ZNRF3: variants seen among roughly 807,000 people sequenced by gnomAD.
The protein encoded by ZNRF3 is zinc and ring finger 3, also known as E3 ubiquitin-protein ligase ZNRF3.
A neutral mutation model predicts 72.5 loss-of-function variants in ZNRF3; 23 were observed. The ratio of observed to expected loss-of-function variants is 0.32; its 90% CI spans 0.23 to 0.45. The LOEUF is 0.45. Ranked by LOEUF, ZNRF3 falls within the 20% of genes least tolerant of loss-of-function variation. ZNRF3 has a pLI of 1.00. For missense variants in ZNRF3, 1,169 were observed against 1,272.1 expected (o/e 0.92, Z 1.23); for synonymous variants, 610 against 545.3 (o/e 1.12, Z -1.65).
intron 1 of ZNRF3, among the ~76,000 whole-genome samples, chr22:28,920,231 G>A (rs571157932): frequency 6.6e-6 from 1 of 150,394 alleles, no homozygotes; most frequent in East Asian, 2.0e-4. Flanking sequence ...CTCCCAAAGT[G>A]TTGGGTTTAC....
chr22:28,916,150 C>A (rs574170440), intron 1 of ZNRF3, among the ~76,000 whole-genome samples: 1 of 152,206 alleles, frequency 6.6e-6, no homozygotes, highest in African/African-American at 2.4e-5. Flanking sequence ...CAGCCTCCCC[C>A]TCCTGGGCTC....
rs1037788883 is a variant in ZNRF3 at position 28,916,607 on chromosome 22, TA to T, written c.300+32550del. On this transcript the variant is annotated intron_variant, in intron 1 of 8. Transcript: ENST00000544604. Reference sequence around the variant, plus strand: ...TTTCAGCACTTAGCAGAGTGAAGGTTAAAAAAAAATTGTTGAGTGACTAAAG... The same window carrying T: ...TTTCAGCACTTAGCAGAGTGAAGGTTAAAAAAAATTGTTGAGTGACTAAAG... Among the ~76,000 whole-genome samples, 139 of 151,774 alleles carry T rather than the reference TA, an allele frequency of 9.2e-4. 1 individual carries two copies. The highest frequency in any genetic ancestry group is 1.4e-3 in the Non-Finnish European group (96 of 67,830).
Position 28,887,220 on chromosome 22 carries a change from AAGAGAGAG to A in ZNRF3, c.300+3163_300+3170del, listed in dbSNP as rs67943780. ...CCCCCCTCCTTATTATATGCCAACGAAGAGAGAGAGAGAGAGTGTGTGTGTGTGTGTGT... is the reference window on the plus strand; with the variant it reads ...CCCCCCTCCTTATTATATGCCAACGAAGAGAGAGTGTGTGTGTGTGTGTGT... On this transcript the variant is annotated intron_variant, in intron 1 of 8. Transcript: ENST00000544604. Among the ~76,000 whole-genome samples, 1,021 of 148,066 alleles carry A rather than the reference AAGAGAGAG, an allele frequency of 6.9e-3. 8 individuals are homozygous for A. The highest frequency in any genetic ancestry group is 0.011 in the Non-Finnish European group (716 of 67,048).
chr22:29,043,590 A>T (rs2037009102), intron 4 of ZNRF3, among the ~76,000 whole-genome samples, 160 bp downstream of exon 4: 1 of 151,984 alleles, frequency 6.6e-6, no homozygotes, highest in Non-Finnish European at 1.5e-5. Flanking sequence ...CCAGGGTGAA[A>T]TTTTACTCAT....
Position 28,935,774 on chromosome 22 carries a change from G to A in ZNRF3, c.301-51302G>A, listed in dbSNP as rs148030584. Among the ~76,000 whole-genome samples the A allele has an allele frequency of 3.9e-4, 59 of 152,246 alleles. 3 individuals are homozygous for A. The East Asian group carries it at 0.011, about 29-fold the overall frequency. ...TAGAATCCATTTTCTTAAATCTGAT[G>A]TAGGATCACTTTCCCCAGCAGCAAG... On this transcript the variant is annotated intron_variant, in intron 1 of 8. Coordinates refer to ENST00000544604, the MANE Select transcript of ZNRF3 (RefSeq NM_001206998.2).
chr22:29,038,361 G>A (rs1246062328), intron 2 of ZNRF3, among the ~76,000 whole-genome samples: 15 of 150,392 alleles, frequency 1.0e-4, no homozygotes, highest in Non-Finnish European at 5.9e-5. Context: ...TTTTAAGACA[G>A]GGTCTCGCCC....
chr22:28,988,486 A>T (rs1307155135), intron 2 of ZNRF3, among the ~76,000 whole-genome samples: 1 of 152,184 alleles, frequency 6.6e-6, no homozygotes, highest in Non-Finnish European at 1.5e-5. Flanking sequence ...AATAACTTCA[A>T]GTCACTTGTC....
chr22:28,933,712 A>ACCCCCC (rs2034757596), intron 1 of ZNRF3, among the ~76,000 whole-genome samples: 1 of 25,362 alleles, frequency 3.9e-5, no homozygotes, highest in Non-Finnish European at 7.4e-5. Flanking sequence ...TCACACCCCC[A>ACCCCCC]CCCCCACCCC....
chr22:29,013,852 T>G (rs1379927285), intron 2 of ZNRF3, among the ~76,000 whole-genome samples: 1 of 152,228 alleles, frequency 6.6e-6, no homozygotes, highest in East Asian at 1.9e-4. Flanking sequence ...TTTTTGGCAT[T>G]GCTGCTTCAT....
chr22:29,053,749 C>G lies in ZNRF3; in HGVS notation c.*127C>G. On this transcript the variant is annotated 3_prime_UTR_variant, in exon 9 of 9. Coordinates refer to ENST00000544604, the MANE Select transcript of ZNRF3 (RefSeq NM_001206998.2). ...CACACAAAAGTGGTAATAAAGAGAGCCCTCCTTGTCAACCCAAAATGTGAG... is the reference window on the plus strand; with the variant it reads ...CACACAAAAGTGGTAATAAAGAGAGGCCTCCTTGTCAACCCAAAATGTGAG... 1.1e-6 allele frequency: 1 copy of G among 935,552 alleles called. No individual in the cohort carries two copies. The highest frequency in any genetic ancestry group is 1.6e-6 in the Non-Finnish European group (1 of 635,626). The allele number at this position is 935,552 out of a possible 1,614,324, so 58.0% of individuals were successfully genotyped here.
At chr22:28,937,460 TACTG>T (rs2034861079) in intron 1 of ZNRF3, among the ~76,000 whole-genome samples, 1 of 152,012 alleles carries the variant, frequency 6.6e-6, no homozygotes, top group Non-Finnish European at 1.5e-5. Context: ...TCCATCAACA[TACTG>T]ACCCCTTTTG....
chr22:28,943,168 CTCTGTCCCTCCTCCTCCT>C (rs1223489193), intron 1 of ZNRF3, among the ~76,000 whole-genome samples: 1 of 152,172 alleles, frequency 6.6e-6, no homozygotes, highest in African/African-American at 2.4e-5. Context: ...ATGTTTTTCT[CTCTGTCCCTCCTCCTCCT>C]TCTGTCTCCC....
In ZNRF3 at chr22:29,048,533, C is replaced by A; in HGVS notation, c.1015+42C>A. On this transcript the variant is annotated intron_variant, in intron 7 of 8. Coordinates refer to ENST00000544604, the MANE Select transcript of ZNRF3 (RefSeq NM_001206998.2). This position sits in a 1 kb window ranked among gnomAD's most constrained non-coding sequence, Gnocchi z 4.9. ...TTAGCCATTGCTGAAGAGTCAAGTG[C>A]CTAGCTAGAGTGTGACACACACCGC... 6.3e-7 allele frequency: 1 copy of A among 1,589,312 alleles called. No individual in the cohort carries two copies. The highest frequency in any genetic ancestry group is 8.6e-7 in the Non-Finnish European group (1 of 1,157,708).
At chr22:29,037,779 C>T (rs1171286718) in intron 2 of ZNRF3, among the ~76,000 whole-genome samples, 3 of 152,176 alleles carry the variant, frequency 2.0e-5, no homozygotes, top group Admixed American at 6.6e-5. Context: ...CTGGCTGGTG[C>T]CAACCTGCCC....
intron 1 of ZNRF3, among the ~76,000 whole-genome samples, chr22:28,933,777 C>CTG (rs1472622664): frequency 1.5e-5 from 2 of 132,752 alleles, no homozygotes; most frequent in Non-Finnish European, 3.2e-5. Context: ...CTCTCTCTCT[C>CTG]TCCCCTCCCT....
chr22:28,927,433 G>A (rs181741028), intron 1 of ZNRF3, among the ~76,000 whole-genome samples: 6 of 152,250 alleles, frequency 3.9e-5, no homozygotes, highest in African/African-American at 1.2e-4. Flanking sequence ...CAAAGGATCC[G>A]GGAAGCCCAG....
At chr22:28,894,820 C>T (rs918402919) in intron 1 of ZNRF3, among the ~76,000 whole-genome samples, 2 of 151,958 alleles carry the variant, frequency 1.3e-5, no homozygotes, top group South Asian at 2.1e-4. Context: ...GTATTTTGTT[C>T]GATCGCTGTT....
chr22:28,956,945 C>T, intron 1 of ZNRF3, among the ~76,000 whole-genome samples: 1 of 152,178 alleles, frequency 6.6e-6, no homozygotes, highest in East Asian at 1.9e-4. Flanking sequence ...GGTCCAGGGC[C>T]ACCAGGAGTC....
intron 1 of ZNRF3, among the ~76,000 whole-genome samples, chr22:28,972,317 C>T (rs541136810): frequency 3.3e-5 from 5 of 152,296 alleles, no homozygotes; most frequent in East Asian, 3.9e-4. Context: ...AACCACTGAT[C>T]GACTGTCTCT....
Sources: allele counts gnomAD v4.1 joint callset (sites outside exome capture counted in the v4.1 genomes callset), GRCh38; gene constraint gnomAD v4.1.1; non-coding constraint Gnocchi (gnomAD v3.1); transcripts MANE v1.5; gene names NCBI Gene and HGNC (gene_info 2026-07-23, HGNC 2026-07-21).